Variants in TBC1D5 observed in about 807,000 individuals in gnomAD.
TBC1D5 encodes the protein TBC1 domain family, member 5.
TBC1D5 carries 75 observed loss-of-function variants against 100.3 expected under a neutral mutation model. The observed-to-expected ratio is 0.75, with a 90% CI of 0.62 to 0.91. The LOEUF (loss-of-function observed/expected upper bound fraction) is 0.91, where lower values mean the gene tolerates loss of function less well. Among genes scored for constraint, TBC1D5 ranks in the 40% least tolerant of loss-of-function variants. TBC1D5 has a pLI of 0.00. For missense variants in TBC1D5, 910 were observed against 942.4 expected (o/e 0.97, Z 0.45); for synonymous variants, 323 against 325.6 (o/e 0.99, Z 0.09).
At chr3:17,727,470 T>C (rs968502575) in intron 1 of TBC1D5, among the ~76,000 whole-genome samples, 5 of 152,206 alleles carry the variant, frequency 3.3e-5, no homozygotes, top group African/African-American at 1.2e-4. Context: ...CTGAGTTCAA[T>C]CTTGTTTCTG....
chr3:17,312,712 C>A (rs1452151819), intron 13 of TBC1D5, among the ~76,000 whole-genome samples: 2 of 152,162 alleles, frequency 1.3e-5, no homozygotes, highest in Non-Finnish European at 2.9e-5. Flanking sequence ...AAATAAGTTC[C>A]TAATAATTAC....
At chr3:17,678,771 A>G (rs1163908397) in intron 1 of TBC1D5, among the ~76,000 whole-genome samples, 4 of 151,124 alleles carry the variant, frequency 2.6e-5, no homozygotes, top group African/African-American at 9.8e-5. Context: ...TCATTTAAAA[A>G]AATGAATAAA....
At chr3:17,501,421 C>T in intron 3 of TBC1D5, among the ~76,000 whole-genome samples, 1 of 149,334 alleles carries the variant, frequency 6.7e-6, no homozygotes, top group East Asian at 1.9e-4. Context: ...TAGATAGGTA[C>T]ATTTAATATA....
At chr3:17,237,376 G>T (rs2075944857) in intron 17 of TBC1D5, among the ~76,000 whole-genome samples, 1 of 152,208 alleles carries the variant, frequency 6.6e-6, no homozygotes, top group Non-Finnish European at 1.5e-5. Flanking sequence ...AATACATTAT[G>T]ACTCTTCAAA....
At chr3:17,657,322 ATTCT>A (rs1477513606) in intron 1 of TBC1D5, among the ~76,000 whole-genome samples, 5 of 144,416 alleles carry the variant, frequency 3.5e-5, no homozygotes, top group South Asian at 2.2e-4. Context: ...CAATGGACAA[ATTCT>A]TTCTTTTTTT....
chr3:17,645,464 T>C (rs563309908), intron 1 of TBC1D5, among the ~76,000 whole-genome samples: 1 of 152,294 alleles, frequency 6.6e-6, no homozygotes, highest in African/African-American at 2.4e-5. Context: ...CTTCTGTTCA[T>C]GCAGCGACCA....
intron 2 of TBC1D5, among the ~76,000 whole-genome samples, chr3:17,599,328 G>C (rs1346694204): frequency 1.3e-5 from 2 of 152,114 alleles, no homozygotes; most frequent in Non-Finnish European, 2.9e-5. Context: ...ACTGACACAA[G>C]AGCAGAGAGG....
intron 6 of TBC1D5, 30 bp from the exon 7 acceptor site, chr3:17,404,798 AG>A (rs1312928929): frequency 1.3e-6 from 2 of 1,577,412 alleles, no homozygotes; most frequent in East Asian, 2.3e-5. Context: ...CACACACACA[AG>A]GATCAGAGGC....
Position 17,700,132 on chromosome 3 carries a change from A to T in TBC1D5, c.-101+39211T>A, listed in dbSNP as rs533549646. The T allele has an allele frequency of 1.1e-4, 16 of 150,822 alleles. No homozygotes were observed. In the East Asian group the frequency reaches 2.8e-3, roughly 26 times the overall value. 9.3% of individuals were successfully genotyped at this position (150,822 alleles called of 1,614,324 possible). A position where few individuals can be genotyped will look rare whatever the true frequency, so the allele number is the denominator to read the frequency against. On this transcript the variant is annotated intron_variant, in intron 1 of 21. Transcript: ENST00000253692. ...GTCCCTTGGCCACTAATAAACTGAA[A>T]GGGAACACTTGAAAAATGACAGACA...
At chr3:17,695,329 A>G (rs2071859641) in intron 1 of TBC1D5, among the ~76,000 whole-genome samples, 1 of 152,212 alleles carries the variant, frequency 6.6e-6, no homozygotes, top group Non-Finnish European at 1.5e-5. Context: ...AAGACCCATC[A>G]CTGGGCTGTA....
At chr3:17,336,762 A>G (rs901248401) in intron 13 of TBC1D5, among the ~76,000 whole-genome samples, 11 of 152,084 alleles carry the variant, frequency 7.2e-5, no homozygotes, top group Non-Finnish European at 1.3e-4. Flanking sequence ...AAAAACTCCA[A>G]ATCTATTTTA....
intron 1 of TBC1D5, among the ~76,000 whole-genome samples, chr3:17,683,795 T>C (rs920999539): frequency 1.2e-4 from 19 of 152,304 alleles, no homozygotes; most frequent in African/African-American, 4.3e-4. Context: ...ACTGTGAAGA[T>C]CAACGAATAA....
At chr3:17,616,034 A>T (rs1464648985) in intron 2 of TBC1D5, among the ~76,000 whole-genome samples, 1 of 152,136 alleles carries the variant, frequency 6.6e-6, no homozygotes, top group Non-Finnish European at 1.5e-5. Flanking sequence ...TAGAGCTATA[A>T]ATTTCCCTCT....
chr3:17,208,713 A>G (rs1188297071), intron 18 of TBC1D5, among the ~76,000 whole-genome samples: 1 of 152,204 alleles, frequency 6.6e-6, no homozygotes, highest in Non-Finnish European at 1.5e-5. Context: ...CTCAGTTTTA[A>G]GTTAAAGTAC....
intron 1 of TBC1D5, among the ~76,000 whole-genome samples, chr3:17,724,955 C>T (rs2076003874): frequency 6.6e-6 from 1 of 152,188 alleles, no homozygotes; most frequent in South Asian, 2.1e-4. Flanking sequence ...ATAATTATTA[C>T]TGCATTTTTC....
At chr3:17,654,477 C>T (rs910996242) in intron 1 of TBC1D5, among the ~76,000 whole-genome samples, 2 of 152,126 alleles carry the variant, frequency 1.3e-5, no homozygotes, top group East Asian at 3.8e-4. Flanking sequence ...GAAACCCATA[C>T]ATTGAACCAG....
intron 13 of TBC1D5, among the ~76,000 whole-genome samples, chr3:17,346,630 C>T (rs1240381020): frequency 6.6e-6 from 1 of 152,080 alleles, no homozygotes; most frequent in African/African-American, 2.4e-5. Flanking sequence ...GCATTGAAAT[C>T]ATACATAGAA....
Position 17,726,233 on chromosome 3 carries a change from A to G in TBC1D5, c.-101+13110T>C, listed in dbSNP as rs190258909. Reference sequence around the variant, plus strand: ...TTATATTTCTTTGGGCATGTACCCAATAATGGGGTTGTAGGTCAAATGATA... The same window carrying G: ...TTATATTTCTTTGGGCATGTACCCAGTAATGGGGTTGTAGGTCAAATGATA... On this transcript the variant is annotated intron_variant, in intron 1 of 21. Coordinates refer to ENST00000253692, the Ensembl canonical transcript of TBC1D5. Among the ~76,000 whole-genome samples the G allele has an allele frequency of 2.1e-3, 317 of 152,340 alleles. 4 individuals carry two copies. The highest frequency in any genetic ancestry group is 5.6e-3 in the Admixed American group (86 of 15,298).
At chr3:17,306,961 A>G (rs1177649279) in intron 14 of TBC1D5, among the ~76,000 whole-genome samples, 1 of 152,194 alleles carries the variant, frequency 6.6e-6, no homozygotes, top group Non-Finnish European at 1.5e-5. Context: ...GAGAAAACCT[A>G]AACTATTTGA....
Sources: gnomAD v4.1 joint callset for allele counts (sites outside exome capture counted in the v4.1 genomes callset) on GRCh38, gnomAD v4.1.1 for gene constraint, MANE v1.5 for transcripts, NCBI Gene and HGNC (gene_info 2026-07-23, HGNC 2026-07-21) for gene names.